ICE1: variants seen among roughly 807,000 people sequenced by gnomAD.
ICE1 encodes interactor of little elongation complex ELL subunit 1.
In ICE1, 64 loss-of-function variants were observed where a neutral mutation model predicts 192.7. The ratio of observed to expected loss-of-function variants is 0.33; its 90% CI spans 0.27 to 0.41. ICE1 has a LOEUF of 0.41. Ranked by LOEUF, ICE1 falls within the 10% of genes least tolerant of loss-of-function variation. The probability of loss-of-function intolerance (pLI) is 1.00; values close to 1 mark genes in which losing one functional copy is unlikely to be tolerated. For synonymous variants in ICE1, 1,010 were observed against 984.5 expected (o/e 1.03, Z -0.49); for missense variants, 2,708 against 2,696.0 (o/e 1.00, Z -0.10).
At chr5:5,451,770 T>A (rs1032738212) in intron 10 of ICE1, among the ~76,000 whole-genome samples, 7 of 152,164 alleles carry the variant, frequency 4.6e-5, no homozygotes, top group African/African-American at 1.7e-4. Flanking sequence ...GTCTCTGTTA[T>A]TAATTTTTTT....
rs747725619 is a variant in ICE1 at position 5,462,967 on chromosome 5, G to C, written c.3633G>C (p.Lys1211Asn). 6.8e-6 allele frequency: 11 copies of C among 1,612,984 alleles called. No individual in the cohort carries two copies. Among genetic ancestry groups the C allele is most frequent in the Non-Finnish European group, 9.3e-6 (11 of 1,179,526 alleles). ...GTAAAGAAATGAACAAAGAATTAAA[G>C]GCAAGTGAAATAGGAGAAAAATACA... is the stretch of plus-strand genomic sequence containing the variant. ...TLSKEMNKEL[K>N]ASEIGEKYRK... Residue 1211 changes from lysine to asparagine, a missense_variant, in exon 13 of 19, where the codon AAG (lysine) becomes AAC (asparagine). Lys to Asn is a moderately conservative substitution (Grantham distance 94, BLOSUM62 0). Transcript: ENST00000296564.
At chr5:5,485,521 T>C (rs1396758985) in intron 17 of ICE1, among the ~76,000 whole-genome samples, 1 of 152,262 alleles carries the variant, frequency 6.6e-6, no homozygotes, top group Non-Finnish European at 1.5e-5. Flanking sequence ...CGGATATTCT[T>C]TTTTGATGCT....
intron 1 of ICE1, among the ~76,000 whole-genome samples, chr5:5,434,891 G>A (rs1488729057): frequency 6.6e-6 from 1 of 152,104 alleles, no homozygotes; most frequent in African/African-American, 2.4e-5. Context: ...ATATGAAAAA[G>A]GTGGAATACG....
Position 5,489,137 on chromosome 5 carries a change from A to AT in ICE1, c.6620-9dup. 1 of 1,609,640 alleles carries AT rather than the reference A, an allele frequency of 6.2e-7. No homozygotes were observed. The highest frequency in any genetic ancestry group is 1.1e-5 in the South Asian group (1 of 90,230). On this transcript the variant is annotated splice_polypyrimidine_tract_variant and intron_variant, in intron 18 of 18. Coordinates refer to ENST00000296564, the MANE Select transcript of ICE1 (RefSeq NM_015325.3). ...TTTCTTGTTTTATGACTGATCTGAA[A>AT]TTTCTTTTCAGATATACCATGGGGT...
At chr5:5,478,850 G>A (rs1739416333) in intron 17 of ICE1, among the ~76,000 whole-genome samples, 2 of 152,140 alleles carry the variant, frequency 1.3e-5, no homozygotes, top group African/African-American at 4.8e-5. Flanking sequence ...AACGGGAAAA[G>A]GATTCCCTAT....
In ICE1 at chr5:5,463,315, T is replaced by C; in HGVS notation, c.3981T>C (p.Thr1327=). Residue 1327 remains threonine, a synonymous_variant, in exon 13 of 19, where the codon ACT becomes ACC. Coordinates refer to ENST00000296564, the MANE Select transcript of ICE1 (RefSeq NM_015325.3). ...CCCCACAAGCAGCTGCCTTGGACAC[T>C]GAGGGCAGCTCTCCCATCAGCGGTA... ...EPTPQAAALD[T]EGSSPISGMP... 6.2e-7 allele frequency: 1 copy of C among 1,613,576 alleles called. No individual in the cohort carries two copies. Among genetic ancestry groups the C allele is most frequent in the Non-Finnish European group, 8.5e-7 (1 of 1,179,764 alleles).
intron 12 of ICE1, 127 bp downstream of exon 12, chr5:5,457,868 G>A (rs1738635507): frequency 1.1e-6 from 1 of 902,434 alleles, no homozygotes; most frequent in Admixed American, 2.3e-5. Flanking sequence ...TTTTGTTAGG[G>A]GGTAACATGA....
At chr5:5,450,334 A>G (rs905600945) in intron 10 of ICE1, among the ~76,000 whole-genome samples, 2 of 152,240 alleles carry the variant, frequency 1.3e-5, no homozygotes, top group African/African-American at 4.8e-5. Context: ...TAAAAGATCA[A>G]TTAAGTTGAT....
intron 14 of ICE1, among the ~76,000 whole-genome samples, chr5:5,468,325 C>T (rs1561094455): frequency 1.3e-5 from 2 of 152,044 alleles, no homozygotes; most frequent in Admixed American, 6.6e-5. Context: ...GTGGTGGTTT[C>T]GTGGATTTAA....
chr5:5,480,288 T>G (rs1266978546), intron 17 of ICE1, among the ~76,000 whole-genome samples: 3 of 133,762 alleles, frequency 2.2e-5, no homozygotes, highest in African/African-American at 1.2e-4. Flanking sequence ...CTGGCTCTGT[T>G]GCCCAGGCTG....
chr5:5,439,845 G>A (rs1314257158), intron 3 of ICE1, 50 bp from the exon 4 acceptor site: 1 of 1,325,886 alleles, frequency 7.5e-7, no homozygotes, highest in South Asian at 1.4e-5. Flanking sequence ...TTTATCTCCA[G>A]AGAAGTATCA....
chr5:5,450,717 A>G (rs950841059), intron 10 of ICE1, among the ~76,000 whole-genome samples: 1 of 152,260 alleles, frequency 6.6e-6, no homozygotes, highest in African/African-American at 2.4e-5. Context: ...TAAAGCAGTC[A>G]TGTAAGGTAA....
In ICE1 at chr5:5,426,959, C is replaced by G. The variant is rs1362187506; in HGVS notation, c.84+3960C>G. 2.0e-5 allele frequency among the ~76,000 whole-genome samples: 3 copies of G among 152,270 alleles called. No homozygotes were observed. In the East Asian group the frequency reaches 5.8e-4, roughly 29 times the overall value. The stretch of plus-strand genomic sequence containing the variant: ...AAGTGTAACATAGGAGTCAGTCTTT[C>G]CAATGGTAGGCAACCATATTGGTGT... On this transcript the variant is annotated intron_variant, in intron 1 of 18. Coordinates refer to ENST00000296564, the MANE Select transcript of ICE1 (RefSeq NM_015325.3).
At chr5:5,449,677 T>A (rs3097160) in intron 10 of ICE1, among the ~76,000 whole-genome samples, 42,332 of 152,054 alleles carry the variant, frequency 0.28, 6,324 homozygotes, top group Non-Finnish European at 0.34. Context: ...GAGCAGGACA[T>A]TAGCATTTTG....
At chr5:5,488,376 T>G (rs1175650899) in intron 18 of ICE1, among the ~76,000 whole-genome samples, 1 of 152,180 alleles carries the variant, frequency 6.6e-6, no homozygotes, top group East Asian at 1.9e-4. Flanking sequence ...TATTTATGAG[T>G]TGAGAGCATC....
intron 1 of ICE1, among the ~76,000 whole-genome samples, chr5:5,432,887 CT>C (rs1332379349): frequency 2.0e-5 from 3 of 152,144 alleles, no homozygotes; most frequent in African/African-American, 7.2e-5. Flanking sequence ...GTTTTAGCCT[CT>C]TTCACACTGC....
intron 1 of ICE1, among the ~76,000 whole-genome samples, chr5:5,424,461 C>T (rs543322222): frequency 1.3e-4 from 19 of 150,956 alleles, no homozygotes; most frequent in Admixed American, 7.3e-4. Flanking sequence ...CGAGCCAATT[C>T]ACTCAACAAA....
At chr5:5,427,723 G>A (rs1190255662) in intron 1 of ICE1, among the ~76,000 whole-genome samples, 5 of 152,146 alleles carry the variant, frequency 3.3e-5, no homozygotes, top group African/African-American at 1.2e-4. Flanking sequence ...TTACAAAATT[G>A]TAATTCATTC....
rs148564532 is a variant in ICE1 at position 5,469,889 on chromosome 5, CAGG to C, written c.6222+904_6222+906del. ...TAAATTCTAGTTGGTCATTTTGTGT[CAGG>C]AGAGACATCCTGACTCCTACTAATG... is the stretch of plus-strand genomic sequence containing the variant. On this transcript the variant is annotated intron_variant, in intron 15 of 18. Transcript: ENST00000296564. Among the ~76,000 whole-genome samples, 383 of 152,230 alleles carry C rather than the reference CAGG, an allele frequency of 2.5e-3. 1 individual carries two copies. Among genetic ancestry groups the C allele is most frequent in the African/African-American group, 8.9e-3 (370 of 41,514 alleles).
Sources: allele counts gnomAD v4.1 joint callset (sites outside exome capture counted in the v4.1 genomes callset), GRCh38; gene constraint gnomAD v4.1.1; transcripts MANE v1.5; gene names NCBI Gene and HGNC (gene_info 2026-07-23, HGNC 2026-07-21).